The following MACROD2 variants were observed in gnomAD, a reference collection of about 807,000 sequenced individuals.
MACROD2 encodes the protein mono-ADP ribosylhydrolase 2, also known as ADP-ribose glycohydrolase MACROD2.
A neutral mutation model predicts 70.4 loss-of-function variants in MACROD2; 36 were observed. That is an observed-to-expected ratio of 0.51 (90% confidence interval 0.39 to 0.68). The LOEUF is 0.68. Among genes scored for constraint, MACROD2 ranks in the 30% least tolerant of loss-of-function variants. The pLI, the probability that MACROD2 is intolerant of heterozygous loss-of-function variation, is 0.00. For missense variants in MACROD2, 496 were observed against 538.4 expected, an observed-to-expected ratio of 0.92 and a Z score of 0.78; for synonymous variants, 172 against 178.8, an observed-to-expected ratio of 0.96 and a Z score of 0.30.
intron 4 of MACROD2, among the ~76,000 whole-genome samples, chr20:14,633,442 C>G (rs1266418527): frequency 6.6e-6 from 1 of 152,188 alleles, no homozygotes; most frequent in East Asian, 1.9e-4. Flanking sequence ...AAAGCAGTTT[C>G]ACTCAACTAC....
At chr20:15,207,352 A>G (rs759796763) in intron 5 of MACROD2, among the ~76,000 whole-genome samples, 5 of 151,620 alleles carry the variant, frequency 3.3e-5, no homozygotes, top group African/African-American at 7.3e-5. Flanking sequence ...TGGGTTTGAC[A>G]GAGTTTTAAT....
intron 6 of MACROD2, among the ~76,000 whole-genome samples, chr20:15,303,067 T>C (rs2016953973): frequency 6.6e-6 from 1 of 152,238 alleles, no homozygotes; most frequent in African/African-American, 2.4e-5. Flanking sequence ...TTAATTCTTT[T>C]AAATTCCTTT....
chr20:15,557,735 G>GAGTA (rs1203999921), intron 8 of MACROD2, among the ~76,000 whole-genome samples: 8 of 152,312 alleles, frequency 5.3e-5, no homozygotes, highest in Admixed American at 3.9e-4. Flanking sequence ...GGAACACAGA[G>GAGTA]AGTACAGAAG....
At chr20:14,363,144 ATATT>A (rs2083239135) in intron 3 of MACROD2, among the ~76,000 whole-genome samples, 1 of 152,176 alleles carries the variant, frequency 6.6e-6, no homozygotes, top group Non-Finnish European at 1.5e-5. Flanking sequence ...CTCTCACTCT[ATATT>A]TTATTAAAAC....
chr20:14,441,142 T>A (rs1600239630), intron 3 of MACROD2, among the ~76,000 whole-genome samples: 1 of 152,228 alleles, frequency 6.6e-6, no homozygotes, highest in African/African-American at 2.4e-5. Flanking sequence ...TAGAATGTGA[T>A]AGAAGTAATT....
At chr20:14,145,298 A>G (rs1371787448) in intron 3 of MACROD2, among the ~76,000 whole-genome samples, 1 of 152,092 alleles carries the variant, frequency 6.6e-6, no homozygotes, top group African/African-American at 2.4e-5. Context: ...CTCTTTTCTC[A>G]AAGAATTTAT....
intron 3 of MACROD2, among the ~76,000 whole-genome samples, chr20:14,274,415 T>C (rs867346811): frequency 8.0e-4 from 122 of 152,150 alleles, no homozygotes; most frequent in Non-Finnish European, 1.5e-3. Context: ...TCTCAATAGA[T>C]GCAGAAAAGG....
At chr20:14,038,295 C>CAAA (rs56831426) in intron 2 of MACROD2, among the ~76,000 whole-genome samples, 1 of 139,278 alleles carries the variant, frequency 7.2e-6, no homozygotes, top group Non-Finnish European at 1.6e-5. Flanking sequence ...GACTCCGTCT[C>CAAA]AAAAAAAAAA....
At chr20:14,460,203 T>C (rs902720925) in intron 3 of MACROD2, among the ~76,000 whole-genome samples, 15 of 152,268 alleles carry the variant, frequency 9.9e-5, no homozygotes, top group African/African-American at 3.6e-4. Context: ...CATGTGTCTT[T>C]ATAGTAGAAT....
At chr20:15,600,905 TAC>T (rs966236062) in intron 8 of MACROD2, among the ~76,000 whole-genome samples, 1 of 152,162 alleles carries the variant, frequency 6.6e-6, no homozygotes, top group African/African-American at 2.4e-5. Flanking sequence ...AGAAGGGAAA[TAC>T]AGAGTCCAGT....
intron 3 of MACROD2, among the ~76,000 whole-genome samples, chr20:14,102,050 C>G (rs1301013477): frequency 1.7e-5 from 2 of 114,596 alleles, no homozygotes; most frequent in Non-Finnish European, 3.3e-5. Context: ...GTCACTCAGG[C>G]TGGAGTGCAG....
At chr20:15,551,672 C>T (rs2048099032) in intron 8 of MACROD2, among the ~76,000 whole-genome samples, 1 of 151,850 alleles carries the variant, frequency 6.6e-6, no homozygotes, top group Non-Finnish European at 1.5e-5. Flanking sequence ...AGTTAGAGAC[C>T]AGCCTGGGCA....
chr20:14,414,969 T>C (rs1424830684), intron 3 of MACROD2, among the ~76,000 whole-genome samples: 5 of 152,126 alleles, frequency 3.3e-5, no homozygotes, highest in African/African-American at 1.2e-4. Flanking sequence ...CACCATGTAT[T>C]AGTATACACA....
rs60967294 is a variant in MACROD2 at position 15,957,438 on chromosome 20, G to A, written c.908-10115G>A. Among the ~76,000 whole-genome samples the A allele has an allele frequency of 5.4e-3, 820 of 152,208 alleles. 7 individuals carry two copies. Among genetic ancestry groups the A allele is most frequent in the African/African-American group, 0.018 (736 of 41,528 alleles). On this transcript the variant is annotated intron_variant, in intron 12 of 17. Transcript: ENST00000684519. ...TAACAAATAGAGGTTTACCTTTAAA[G>A]TGACCCACTTCATACGTCTCTAGGT...
Position 16,009,792 on chromosome 20 carries a change from A to G in MACROD2, c.1153+22634A>G, listed in dbSNP as rs560037688. ...AAATTATAAAAGCATAATATGGAGCAGGAGACAGAAACACCGCCTCCTGCC... is the reference window on the plus strand; with the variant it reads ...AAATTATAAAAGCATAATATGGAGCGGGAGACAGAAACACCGCCTCCTGCC... On this transcript the variant is annotated intron_variant, in intron 15 of 17. Coordinates refer to ENST00000684519, the MANE Select transcript of MACROD2 (RefSeq NM_001351661.2). 1.1e-3 allele frequency among the ~76,000 whole-genome samples: 170 copies of G among 152,272 alleles called. 1 individual carries two copies. Among genetic ancestry groups the G allele is most frequent in the African/African-American group, 3.9e-3 (162 of 41,568 alleles).
Position 13,995,850 on chromosome 20 carries a change from G to GGGGGGGGGGGGGGGGGGGGT in MACROD2, c.46+41_46+42insGGGGGGGGGGGGGGGGGGGT. ...AGTCCTGGGGGTGCGGGCGGTGGGGGTTAGGGTGGGGGCGGGGGTCAGGCT... is the reference window on the plus strand; with the variant it reads ...AGTCCTGGGGGTGCGGGCGGTGGGGGGGGGGGGGGGGGGGGGGGGTTTAGGGTGGGGGCGGGGGTCAGGCT... On this transcript the variant is annotated intron_variant, in intron 1 of 17. Coordinates refer to ENST00000684519, the MANE Select transcript of MACROD2 (RefSeq NM_001351661.2). The surrounding 1 kb of genome is among the most constrained non-coding windows in gnomAD (Gnocchi z 4.3). 6 of 505,036 alleles carry GGGGGGGGGGGGGGGGGGGGT rather than the reference G, an allele frequency of 1.2e-5. No individual in the cohort carries two copies. Among genetic ancestry groups the GGGGGGGGGGGGGGGGGGGGT allele is most frequent in the Non-Finnish European group, 2.3e-5 (6 of 266,278 alleles). 31.3% of individuals were successfully genotyped at this position (505,036 alleles called of 1,614,324 possible). A position where few individuals can be genotyped will look rare whatever the true frequency, so the allele number is the denominator to read the frequency against.
Position 14,588,185 on chromosome 20 carries a change from C to A in MACROD2, c.301+94677C>A, listed in dbSNP as rs1353577074. On this transcript the variant is annotated intron_variant, in intron 4 of 17. Coordinates refer to ENST00000684519, the MANE Select transcript of MACROD2 (RefSeq NM_001351661.2). ...AGGAGTAAATCTTTGACCATCCTTT[C>A]ATTTTCTCCTCATGGTTTTTCCCTC... is the stretch of plus-strand genomic sequence containing the variant. 2.6e-5 allele frequency among the ~76,000 whole-genome samples: 4 copies of A among 152,056 alleles called. No individual in the cohort carries two copies. In the East Asian group the frequency reaches 7.7e-4, roughly 29 times the overall value.
chr20:15,423,197 G>A (rs746952863), intron 6 of MACROD2, among the ~76,000 whole-genome samples: 12 of 152,130 alleles, frequency 7.9e-5, no homozygotes, highest in Admixed American at 6.5e-5. Context: ...CATGGCTATG[G>A]GTTGGTTGGG....
intron 6 of MACROD2, among the ~76,000 whole-genome samples, chr20:15,338,111 A>G (rs1255635203): frequency 6.6e-6 from 1 of 151,444 alleles, no homozygotes; most frequent in Non-Finnish European, 1.5e-5. Context: ...TAAACTATTT[A>G]TCCAAGCAAT....
Sources: allele counts gnomAD v4.1 joint callset (sites outside exome capture counted in the v4.1 genomes callset), GRCh38; gene constraint gnomAD v4.1.1; non-coding constraint Gnocchi (gnomAD v3.1); transcripts MANE v1.5; gene names NCBI Gene and HGNC (gene_info 2026-07-23, HGNC 2026-07-21).